SETX: variants seen among roughly 807,000 people sequenced by gnomAD.
SETX encodes senataxin.
In SETX, 90 loss-of-function variants were observed where a neutral mutation model predicts 227.2. The ratio of observed to expected loss-of-function variants is 0.40; its 90% confidence interval spans 0.33 to 0.47. The LOEUF (loss-of-function observed/expected upper bound fraction) is 0.47. Ranked by LOEUF, SETX falls within the 20% of genes least tolerant of loss-of-function variation. The pLI is 0.91. For missense variants in SETX, 3,052 were observed against 3,181.5 expected, an observed-to-expected ratio of 0.96 and a Z score of 0.98; for synonymous variants, 1,210 against 1,113.2, an observed-to-expected ratio of 1.09 and a Z score of -1.73.
rs777911199 is a variant in SETX, at chr9:132,328,883, A to G, written c.2715T>C (p.Ala905=). The change falls in exon 10 of 26, where the codon GCT becomes GCC. Residue 905 remains alanine, a synonymous_variant. Coordinates refer to ENST00000224140, the MANE Select transcript of SETX (RefSeq NM_015046.7). ...ELIPFTEMTN[A]SEKKSSPFKD... ...TAAAGGGAGATGATTTCTTCTCTGA[A>G]GCATTGGTCATTTCTGTAAAAGGGA... 2 of 1,614,036 alleles carry G rather than the reference A, an allele frequency of 1.2e-6. No homozygotes were observed. The highest frequency in any genetic ancestry group is 1.7e-6 in the Non-Finnish European group (2 of 1,179,976).
At position 132,329,218 on chromosome 9, in the gene SETX, CAT is replaced by C. The variant is rs779811956; in HGVS notation, c.2378_2379del (p.His793ArgfsTer14). The C allele has an allele frequency of 6.2e-7, 1 of 1,613,712 alleles. No homozygotes were observed. The highest frequency in any genetic ancestry group is 8.5e-7 in the Non-Finnish European group (1 of 1,179,946). On this transcript the variant is annotated frameshift_variant, in exon 10 of 26. Coordinates refer to ENST00000224140, the MANE Select transcript of SETX (RefSeq NM_015046.7). LOFTEE classifies it high-confidence loss of function. ...QKDEICAKLSHVIKKQHRKST... is the reference protein window; with the variant it reads ...QKDEICAKLSXVIKKQHRKST... ...CTCTTCCTGTGTTGCTTCTTTATTA[CAT>C]GTGATAACTTTGCACAGATTTCATC...
intron 5 of SETX, among the ~76,000 whole-genome samples, chr9:132,339,323 A>T (rs2131522509): frequency 6.6e-6 from 1 of 152,154 alleles, no homozygotes; most frequent in African/African-American, 2.4e-5. Flanking sequence ...TCTCTACAAA[A>T]AATTAGCTGG....
In SETX at chr9:132,264,739, G is replaced by A. The variant is rs557347174; in HGVS notation, c.7534C>T (p.Pro2512Ser). The A allele has an allele frequency of 1.2e-6, 2 of 1,614,100 alleles. No individual in the cohort carries two copies. The highest frequency in any genetic ancestry group is 1.7e-6 in the Non-Finnish European group (2 of 1,180,056). ...AGAGTAATTTCCTTGGAGTCAGAGG[G>A]TGTGTGGTATAGAGAAGCAGCAACA... ...TSVAASLYHT[P>S]SDSKEITLTV... Residue 2512 changes from proline (P) to serine (S), a missense_variant, in exon 26 of 26, where the codon CCC (proline) becomes TCC (serine). Pro to Ser is a moderately conservative substitution (Grantham distance 74). Around this residue, in one of 10 missense-constraint regions of SETX, gnomAD observed 294 missense variants for 278.8 expected, o/e 1.05. Transcript: ENST00000224140.
At chr9:132,325,237 T>C (rs1262588628) in intron 10 of SETX, among the ~76,000 whole-genome samples, 1 of 152,092 alleles carries the variant, frequency 6.6e-6, no homozygotes, top group African/African-American at 2.4e-5. Flanking sequence ...GAGCCTATAG[T>C]CTCAGCTACT....
intron 5 of SETX, among the ~76,000 whole-genome samples, chr9:132,337,604 G>A (rs1178034273): frequency 1.3e-5 from 2 of 152,140 alleles, no homozygotes; most frequent in African/African-American, 2.4e-5. Flanking sequence ...GTAAAAGCAT[G>A]AGCTCTATGC....
chr9:132,344,798 C>G (rs1848195361), intron 4 of SETX, among the ~76,000 whole-genome samples: 1 of 150,496 alleles, frequency 6.6e-6, no homozygotes, highest in Non-Finnish European at 1.5e-5. Flanking sequence ...TCGCTTGAAC[C>G]CAGGAGGCAG....
intron 2 of SETX, among the ~76,000 whole-genome samples, chr9:132,349,724 T>C (rs1461900493): frequency 6.6e-6 from 1 of 152,216 alleles, no homozygotes; most frequent in African/African-American, 2.4e-5. Flanking sequence ...ACAGTACCGA[T>C]AGAAAATATA....
At chr9:132,313,091 G>T (rs1324419478) in intron 10 of SETX, among the ~76,000 whole-genome samples, 2 of 152,138 alleles carry the variant, frequency 1.3e-5, no homozygotes, top group African/African-American at 4.8e-5. Context: ...TAGGAATGAA[G>T]AATGACTACC....
At position 132,311,831 on chromosome 9, in the gene SETX, G is replaced by A. The variant is rs777096438; in HGVS notation, c.5300C>T (p.Pro1767Leu). ...ETVAQEWLNS[P>L]NRENFYQLQV... ...CAACTGATAGAAATTCTCTCTATTT[G>A]GAGAGTTGAGCCATTCTTGTGCCAC... Residue 1767 changes from proline (P) to leucine (L), a missense_variant, in exon 11 of 26, where the codon CCA (proline) becomes CTA (leucine). By Grantham distance (98) the Pro-to-Leu change is moderately conservative. Coordinates refer to ENST00000224140, the MANE Select transcript of SETX (RefSeq NM_015046.7). The A allele has an allele frequency of 6.2e-7, 1 of 1,613,388 alleles. No homozygotes were observed. The highest frequency in any genetic ancestry group is 1.7e-5 in the Admixed American group (1 of 60,010).
At chr9:132,265,224 GTTTTTTTTTT>G (rs397741391) in intron 25 of SETX, among the ~76,000 whole-genome samples, 5 of 106,424 alleles carry the variant, frequency 4.7e-5, no homozygotes, top group African/African-American at 1.9e-4. Flanking sequence ...TTCAACTTTT[GTTTTTTTTTT>G]TTTTTTTTTT....
In SETX at chr9:132,262,150, G is replaced by A. The variant is rs1842434513; in HGVS notation, c.*2089C>T. The stretch of plus-strand genomic sequence containing the variant: ...CTTGCAGAATCAGATCTGCTGAGTG[G>A]TGAACCAACAGGTGAACACAACGTA... On this transcript the variant is annotated 3_prime_UTR_variant, in exon 26 of 26. Coordinates refer to ENST00000224140, the MANE Select transcript of SETX (RefSeq NM_015046.7). 6.6e-6 allele frequency: 1 copy of A among 152,242 alleles called. No homozygotes were observed. The allele number at this position is 152,242 out of a possible 1,614,324, so 9.4% of individuals were successfully genotyped here.
chr9:132,302,935 T>C (rs940639684), intron 11 of SETX, among the ~76,000 whole-genome samples: 13 of 152,202 alleles, frequency 8.5e-5, no homozygotes, highest in East Asian at 7.7e-4. Context: ...TGCCAAGTTA[T>C]TGAATGGCAA....
chr9:132,332,836 A>T (rs1231730988), intron 7 of SETX, among the ~76,000 whole-genome samples: 1 of 150,200 alleles, frequency 6.7e-6, no homozygotes, highest in Non-Finnish European at 1.5e-5. Flanking sequence ...CAGGAGGATG[A>T]CTTGAGCCTG....
chr9:132,333,243 GT>G (rs1847358308), intron 7 of SETX, among the ~76,000 whole-genome samples: 1 of 151,268 alleles, frequency 6.6e-6, no homozygotes, highest in Non-Finnish European at 1.5e-5. Context: ...GCCAGGTATG[GT>G]GGTGCATACC....
intron 1 of SETX, among the ~76,000 whole-genome samples, chr9:132,354,642 A>G (rs902913127): frequency 2.6e-5 from 4 of 151,808 alleles, no homozygotes; most frequent in Admixed American, 2.6e-4. Flanking sequence ...CACACCAAAA[A>G]CAGCTCACAC....
intron 18 of SETX, among the ~76,000 whole-genome samples, chr9:132,285,240 G>A (rs1441606552): frequency 4.6e-5 from 7 of 151,874 alleles, no homozygotes; most frequent in Admixed American, 2.0e-4. Flanking sequence ...GCAGTTTATG[G>A]GAAGCAGAAA....
At chr9:132,292,371 C>G (rs1844373409) in intron 15 of SETX, among the ~76,000 whole-genome samples, 1 of 137,992 alleles carries the variant, frequency 7.2e-6, no homozygotes, top group Admixed American at 8.1e-5. Context: ...CAAGGCTGCA[C>G]TGAGCCATGA....
chr9:132,331,410 A>G lies in SETX; in HGVS notation c.877T>C (p.Phe293Leu). Residue 293 changes from phenylalanine (F) to leucine (L), a missense_variant, in exon 8 of 26, where the codon TTT becomes CTT. Physicochemically the swap from Phe to Leu is conservative, Grantham distance 22. Around this residue, in one of 10 missense-constraint regions of SETX, gnomAD observed 239 missense variants for 240.8 expected, o/e 0.99. Transcript: ENST00000224140. ...VDPFWPALHC[F>L]MVILDRLGSK... The stretch of plus-strand genomic sequence containing the variant: ...CCAAGGCGATCCAGAATCACCATAA[A>G]ACAGTGTAACGCTGGCCAGAAAGGA... 6.2e-7 allele frequency: 1 copy of G among 1,613,984 alleles called. No individual in the cohort carries two copies. The highest frequency in any genetic ancestry group is 8.5e-7 in the Non-Finnish European group (1 of 1,179,970).
chr9:132,338,052 A>G (rs1350454858), intron 5 of SETX, among the ~76,000 whole-genome samples: 2 of 151,076 alleles, frequency 1.3e-5, no homozygotes, highest in Non-Finnish European at 2.9e-5. Flanking sequence ...GAATCTATGC[A>G]TGAGGAAACA....
Sources: allele counts gnomAD v4.1 joint callset (sites outside exome capture counted in the v4.1 genomes callset), GRCh38; gene constraint gnomAD v4.1.1; regional missense constraint gnomAD v4.1.1; transcripts MANE v1.5; gene names NCBI Gene and HGNC (gene_info 2026-07-23, HGNC 2026-07-21).